Variants in KIDINS220 observed in about 807,000 individuals in gnomAD.
The protein encoded by KIDINS220 is kinase D interacting substrate 220, also known as kinase D-interacting substrate of 220 kDa.
In KIDINS220, 63 loss-of-function variants were observed where a neutral mutation model predicts 157.6. That is an observed-to-expected ratio of 0.40 (90% confidence interval 0.33 to 0.49). The LOEUF is 0.49. Ranked by LOEUF, KIDINS220 falls within the 20% of genes least tolerant of loss-of-function variation. The pLI, the probability that KIDINS220 is intolerant of heterozygous loss-of-function variation, is 0.66. For synonymous variants in KIDINS220, 732 were observed against 783.6 expected, an observed-to-expected ratio of 0.93 and a Z score of 1.10; for missense variants, 1,772 against 2,171.2, an observed-to-expected ratio of 0.82 and a Z score of 3.65.
chr2:8,827,024 G>C lies in KIDINS220; in HGVS notation c.70C>G (p.Leu24Val). 1.2e-6 allele frequency: 2 copies of C among 1,610,022 alleles called. No individual in the cohort carries two copies. The highest frequency in any genetic ancestry group is 1.7e-6 in the Non-Finnish European group (2 of 1,177,470). ...EEENIPALKA[L>V]LEKCKDVDER... ...TCTACATCTTTGCATTTTTCAAGAA[G>C]AGCTTTCAGAGCAGGAATGTTTTCT... is the stretch of plus-strand genomic sequence containing the variant. The change falls in exon 2 of 30, where the codon CTT (leucine) becomes GTT (valine). Residue 24 changes from leucine to valine, a missense_variant. Coordinates refer to ENST00000256707, the MANE Select transcript of KIDINS220 (RefSeq NM_020738.4).
At chr2:8,830,003 G>A (rs560061703) in intron 1 of KIDINS220, among the ~76,000 whole-genome samples, 26 of 151,752 alleles carry the variant, frequency 1.7e-4, no homozygotes, top group African/African-American at 4.6e-4. Flanking sequence ...CCACACTCCC[G>A]CCTATGCTCA....
At chr2:8,786,537 T>G (rs1672420139) in intron 15 of KIDINS220, among the ~76,000 whole-genome samples, 180 bp from the exon 16 acceptor site, 1 of 152,048 alleles carries the variant, frequency 6.6e-6, no homozygotes, top group Non-Finnish European at 1.5e-5. Flanking sequence ...TCTAAAATCT[T>G]ACATACTTTT....
chr2:8,818,001 A>C (rs1572787590), intron 3 of KIDINS220, among the ~76,000 whole-genome samples: 1 of 152,216 alleles, frequency 6.6e-6, no homozygotes, highest in African/African-American at 2.4e-5. Flanking sequence ...AAAGATGATC[A>C]TCAAAACCTC....
chr2:8,789,036 A>G (rs1672814458), intron 14 of KIDINS220, among the ~76,000 whole-genome samples: 2 of 152,322 alleles, frequency 1.3e-5, no homozygotes, highest in African/African-American at 2.4e-5. Flanking sequence ...AAACAGAAAC[A>G]TAACTGCAGT....
intron 18 of KIDINS220, among the ~76,000 whole-genome samples, chr2:8,779,462 A>C (rs1385723054): frequency 1.3e-5 from 2 of 152,240 alleles, no homozygotes; most frequent in African/African-American, 4.8e-5. Context: ...AGTGCCACTA[A>C]GCTAAAATTA....
Position 8,779,781 on chromosome 2 carries a change from T to A in KIDINS220, c.2263A>T (p.Met755Leu). The A allele has an allele frequency of 1.2e-6, 2 of 1,614,180 alleles. No homozygotes were observed. Among genetic ancestry groups the A allele is most frequent in the Non-Finnish European group, 1.7e-6 (2 of 1,180,002 alleles). ...LKCEVELMAR[M>L]AKTIDSFTQN... Reference sequence around the variant, plus strand: ...GTGAAGCTGTCAATGGTTTTTGCCATCCTGGCCATCAATTCCACTTCACAT... The same window carrying A: ...GTGAAGCTGTCAATGGTTTTTGCCAACCTGGCCATCAATTCCACTTCACAT... Residue 755 changes from methionine to leucine, a missense_variant, in exon 18 of 30, where the codon ATG becomes TTG. Coordinates refer to ENST00000256707, the MANE Select transcript of KIDINS220 (RefSeq NM_020738.4).
At chr2:8,738,242 C>T (rs926085752) in intron 26 of KIDINS220, among the ~76,000 whole-genome samples, 3 of 151,986 alleles carry the variant, frequency 2.0e-5, no homozygotes. Flanking sequence ...TACAGAATTC[C>T]AATTAATAAA....
intron 19 of KIDINS220, 39 bp from the exon 20 acceptor site, chr2:8,778,766 A>G (rs1034747654): frequency 1.3e-6 from 2 of 1,593,646 alleles, no homozygotes; most frequent in Non-Finnish European, 1.7e-6. Context: ...TTACACCAAA[A>G]TTCTGTTGTA....
Position 8,812,394 on chromosome 2 carries a change from C to T in KIDINS220, c.504+1G>A. Reference sequence around the variant, plus strand: ...AACCTGAAAAGATGCTGCTGACCTACCTTATCAGAGCAGTTGACTTTAGCA... The same window carrying T: ...AACCTGAAAAGATGCTGCTGACCTATCTTATCAGAGCAGTTGACTTTAGCA... On this transcript the variant is annotated splice_donor_variant, in intron 6 of 29. Transcript: ENST00000256707. LOFTEE classifies it high-confidence loss of function. The T allele has an allele frequency of 6.4e-7, 1 of 1,574,168 alleles. No homozygotes were observed. The highest frequency in any genetic ancestry group is 8.7e-7 in the Non-Finnish European group (1 of 1,154,100).
At chr2:8,739,099 T>C (rs1665280167) in intron 26 of KIDINS220, among the ~76,000 whole-genome samples, 1 of 152,194 alleles carries the variant, frequency 6.6e-6, no homozygotes, top group South Asian at 2.1e-4. Flanking sequence ...AGCTGAGAAT[T>C]CAGCAACAGA....
intron 28 of KIDINS220, 100 bp downstream of exon 28, chr2:8,734,555 G>T (rs779064294): frequency 1.0e-4 from 81 of 781,018 alleles, no homozygotes; most frequent in Non-Finnish European, 1.6e-4. Flanking sequence ...ACCAGTTTAG[G>T]CCAGTACTTA....
At chr2:8,746,981 T>C (rs2148031679) in intron 26 of KIDINS220, 164 bp downstream of exon 26, 2 of 555,856 alleles carry the variant, frequency 3.6e-6, no homozygotes, top group South Asian at 6.8e-5. Context: ...GCTTTTTAAT[T>C]AATTCAGGAA....
At chr2:8,738,012 C>T (rs1397423688) in intron 26 of KIDINS220, among the ~76,000 whole-genome samples, 1 of 152,138 alleles carries the variant, frequency 6.6e-6, no homozygotes, top group Admixed American at 6.5e-5. Flanking sequence ...CTTTCAAATG[C>T]TTTTATTCCT....
chr2:8,814,301 A>C (rs1208223053), intron 4 of KIDINS220, among the ~76,000 whole-genome samples: 1 of 152,212 alleles, frequency 6.6e-6, no homozygotes, highest in Non-Finnish European at 1.5e-5. Flanking sequence ...TTAAGTATGG[A>C]GCATCTTAAA....
chr2:8,785,640 C>A, intron 17 of KIDINS220, 101 bp downstream of exon 17: 2 of 955,594 alleles, frequency 2.1e-6, no homozygotes, highest in Admixed American at 2.5e-5. Context: ...ATAAATGCAA[C>A]ACTTTAACAT....
At chr2:8,765,992 C>T (rs1669435589) in intron 22 of KIDINS220, among the ~76,000 whole-genome samples, 1 of 152,082 alleles carries the variant, frequency 6.6e-6, no homozygotes, top group Admixed American at 6.5e-5. Flanking sequence ...AAAACAAGCT[C>T]CCTTGAATCA....
intron 24 of KIDINS220, among the ~76,000 whole-genome samples, chr2:8,748,678 A>C (rs1333244211): frequency 6.6e-6 from 1 of 152,230 alleles, no homozygotes; most frequent in Non-Finnish European, 1.5e-5. Context: ...AGGTTTTGTT[A>C]CACTGAGGTG....
intron 21 of KIDINS220, 81 bp downstream of exon 21, chr2:8,776,667 A>C (rs1278306567): frequency 4.7e-6 from 6 of 1,276,226 alleles, no homozygotes; most frequent in Middle Eastern, 2.7e-4. Flanking sequence ...CACACAATAC[A>C]TACCTTTGTT....
chr2:8,758,341 C>T (rs1385289860), intron 22 of KIDINS220, among the ~76,000 whole-genome samples: 2 of 152,142 alleles, frequency 1.3e-5, no homozygotes, highest in Non-Finnish European at 2.9e-5. Flanking sequence ...TGAGAAAAAT[C>T]TACCATGATT....
Sources: gnomAD v4.1 joint callset for allele counts (sites outside exome capture counted in the v4.1 genomes callset) on GRCh38, gnomAD v4.1.1 for gene constraint, MANE v1.5 for transcripts, NCBI Gene and HGNC (gene_info 2026-07-23, HGNC 2026-07-21) for gene names.